The following C12orf42 variants were observed in gnomAD, a reference collection of about 807,000 sequenced individuals.
C12orf42 encodes the protein chromosome 12 open reading frame 42.
A neutral mutation model predicts 21.6 loss-of-function variants in C12orf42; 25 were observed. That is an observed-to-expected ratio of 1.16 (90% CI 0.84 to 1.62). The LOEUF is 1.62. Among genes scored for constraint, C12orf42 ranks in the 40% most tolerant of loss-of-function variants. The probability of loss-of-function intolerance (pLI) is 0.00; values close to 1 mark genes in which losing one functional copy is unlikely to be tolerated. For synonymous variants in C12orf42, 174 were observed against 175.0 expected, an observed-to-expected ratio of 0.99 and a Z score of 0.05; for missense variants, 483 against 459.3, an observed-to-expected ratio of 1.05 and a Z score of -0.47.
the C12orf42 span, among the ~76,000 whole-genome samples, chr12:103,155,856 A>T: frequency 6.7e-6 from 1 of 150,354 alleles, no homozygotes; most frequent in African/African-American, 2.5e-5. Context: ...TACATATATG[A>T]GTGTATATAT....
chr12:103,132,301 G>A, the C12orf42 span, among the ~76,000 whole-genome samples: 724 of 152,154 alleles, frequency 4.8e-3, 24 homozygotes, highest in Admixed American at 0.044. Context: ...AGGAAGAGAG[G>A]CAGCCTACTC....
At chr12:103,146,610 A>AAGAT in the C12orf42 span, among the ~76,000 whole-genome samples, 731 of 147,798 alleles carry the variant, frequency 4.9e-3, 2 homozygotes, top group Non-Finnish European at 7.6e-3. Context: ...GAAAGAAAGA[A>AAGAT]AAAGAAAAGT....
chr12:103,217,108 G>T, the C12orf42 span, among the ~76,000 whole-genome samples: 8 of 152,298 alleles, frequency 5.3e-5, no homozygotes, highest in East Asian at 9.7e-4. Flanking sequence ...CTCCCAAAGT[G>T]CTGGGATTAC....
chr12:103,228,563 T>C, the C12orf42 span, among the ~76,000 whole-genome samples: 2 of 152,086 alleles, frequency 1.3e-5, no homozygotes, highest in Non-Finnish European at 2.9e-5. Context: ...ACAATGTTCA[T>C]GGCATGTGCA....
At chr12:103,071,062 C>A in the C12orf42 span, among the ~76,000 whole-genome samples, 2 of 152,042 alleles carry the variant, frequency 1.3e-5, no homozygotes, top group Non-Finnish European at 2.9e-5. Flanking sequence ...TTTTTCCCAA[C>A]TCATTAGGAA....
At chr12:103,361,507 C>G (rs2044103193) in intron 4 of C12orf42, among the ~76,000 whole-genome samples, 2 of 152,006 alleles carry the variant, frequency 1.3e-5, no homozygotes, top group African/African-American at 4.8e-5. Context: ...AATTCCAACC[C>G]AATGCGAAAT....
intron 10 of C12orf42, among the ~76,000 whole-genome samples, chr12:103,255,175 A>C (rs1342684882): frequency 1.3e-5 from 2 of 152,144 alleles, no homozygotes; most frequent in African/African-American, 4.8e-5. Flanking sequence ...GATTGAGACC[A>C]TCCTGGCCAA....
intron 4 of C12orf42, among the ~76,000 whole-genome samples, chr12:103,307,257 T>C (rs1031812752): frequency 1.3e-5 from 2 of 152,128 alleles, no homozygotes; most frequent in African/African-American, 2.4e-5. Context: ...CATAGCCCAA[T>C]ATTGACTGCT....
chr12:103,198,187 A>G, the C12orf42 span, among the ~76,000 whole-genome samples: 3 of 152,144 alleles, frequency 2.0e-5, no homozygotes, highest in Admixed American at 6.5e-5. Flanking sequence ...ACAGTAGGGG[A>G]TGGCCGTGGG....
At chr12:103,112,709 G>A in the C12orf42 span, among the ~76,000 whole-genome samples, 1 of 152,114 alleles carries the variant, frequency 6.6e-6, no homozygotes, top group Non-Finnish European at 1.5e-5. Flanking sequence ...TCCCTAAGCT[G>A]CTAGATGAAA....
intron 3 of C12orf42, among the ~76,000 whole-genome samples, chr12:103,387,400 C>G (rs1053944314): frequency 1.1e-4 from 17 of 152,242 alleles, no homozygotes; most frequent in Non-Finnish European, 1.3e-4. Flanking sequence ...TGCACACATG[C>G]ACAGACATGC....
chr12:103,347,873 A>G (rs1016948047), intron 4 of C12orf42, among the ~76,000 whole-genome samples: 8 of 152,170 alleles, frequency 5.3e-5, no homozygotes, highest in African/African-American at 1.9e-4. Flanking sequence ...CAATAATTGA[A>G]AGACAACTGG....
intron 4 of C12orf42, among the ~76,000 whole-genome samples, chr12:103,361,582 C>T (rs1326267109): frequency 1.3e-5 from 2 of 151,718 alleles, no homozygotes; most frequent in Admixed American, 6.6e-5. Context: ...TGCAAAAGCC[C>T]TAAGTGCTTT....
At chr12:103,172,221 A>G in the C12orf42 span, among the ~76,000 whole-genome samples, 3 of 152,080 alleles carry the variant, frequency 2.0e-5, no homozygotes, top group East Asian at 1.9e-4. Flanking sequence ...CAGGAAAAAC[A>G]GAATAGGGTA....
At chr12:103,251,952 ATTTAT>A (rs775315626) in intron 10 of C12orf42, among the ~76,000 whole-genome samples, 1 of 152,120 alleles carries the variant, frequency 6.6e-6, no homozygotes, top group African/African-American at 2.4e-5. Context: ...TTGATAAACA[ATTTAT>A]TTTATTTTAT....
intron 2 of C12orf42, among the ~76,000 whole-genome samples, chr12:103,408,775 T>C (rs1169050035): frequency 2.6e-5 from 4 of 152,180 alleles, no homozygotes; most frequent in Non-Finnish European, 5.9e-5. Context: ...AAAAACTGTA[T>C]ATTTTTTGTC....
At chr12:103,173,093 C>A in the C12orf42 span, among the ~76,000 whole-genome samples, 5 of 152,164 alleles carry the variant, frequency 3.3e-5, no homozygotes, top group South Asian at 1.0e-3. Flanking sequence ...TAATTAGAGA[C>A]CAAATCTCAG....
chr12:103,164,205 C>T, the C12orf42 span, among the ~76,000 whole-genome samples: 1 of 152,308 alleles, frequency 6.6e-6, no homozygotes, highest in African/African-American at 2.4e-5. Context: ...CCACAAGATG[C>T]TCTGTGTCAC....
intron 2 of C12orf42, among the ~76,000 whole-genome samples, chr12:103,470,225 A>G (rs530473645): frequency 6.6e-6 from 1 of 152,338 alleles, no homozygotes; most frequent in East Asian, 1.9e-4. Flanking sequence ...TAATTTTTCA[A>G]TGCTTTCACA....
Sources: allele counts gnomAD v4.1 joint callset (sites outside exome capture counted in the v4.1 genomes callset), GRCh38; gene constraint gnomAD v4.1.1; transcripts MANE v1.5; gene names NCBI Gene and HGNC (gene_info 2026-07-23, HGNC 2026-07-21).